PALB2: variants seen among roughly 807,000 people sequenced by gnomAD.
The protein encoded by PALB2 is partner and localizer of BRCA2, also known as mutant partner and localizer of BRCA2.
PALB2 carries 82 observed loss-of-function variants against 107.4 expected under a neutral mutation model. The observed-to-expected ratio is 0.76, with a 90% CI of 0.64 to 0.92. PALB2 has a LOEUF of 0.92. PALB2 is among the 40% of genes least tolerant of loss of function. The pLI, the probability that PALB2 is intolerant of heterozygous loss-of-function variation, is 0.00. For synonymous variants in PALB2, 489 were observed against 496.8 expected, an observed-to-expected ratio of 0.98 and a Z score of 0.21; for missense variants, 1,374 against 1,379.9, an observed-to-expected ratio of 1.00 and a Z score of 0.07.
intron 7 of PALB2, among the ~76,000 whole-genome samples, chr16:23,624,528 T>G (rs1185761462): frequency 6.6e-6 from 1 of 152,224 alleles, no homozygotes; most frequent in Non-Finnish European, 1.5e-5. Flanking sequence ...AATTTTTTTT[T>G]TTGAGTCGGA....
intron 9 of PALB2, 126 bp from the exon 10 acceptor site, chr16:23,621,604 GA>G (rs1966775414): frequency 4.4e-6 from 3 of 685,476 alleles, no homozygotes; most frequent in Non-Finnish European, 5.3e-6. Context: ...ATCTAACCCA[GA>G]AAACGTGTAT....
intron 1 of PALB2, among the ~76,000 whole-genome samples, chr16:23,639,539 G>A (rs2040144745): frequency 7.2e-6 from 1 of 139,416 alleles, no homozygotes; most frequent in Non-Finnish European, 1.5e-5. Context: ...AAAAAAAAAG[G>A]CCGGGTGCAG....
rs144496685 is a variant in PALB2 at position 23,636,140 on chromosome 16, T to C, written c.406A>G (p.Ser136Gly). Residue 136 changes from serine to glycine, a missense_variant, in exon 4 of 13, where the codon AGT becomes GGT. Transcript: ENST00000261584. ...EHFPHRVSDP[S>G]GEQKQKLPSR... ...GGCAGCTTCTGCTTTTGCTCACCAC[T>C]AGGGTCACTGACCCTGTGGGGAAAA... is the stretch of plus-strand genomic sequence containing the variant. 6.2e-7 allele frequency: 1 copy of C among 1,613,300 alleles called. No individual in the cohort carries two copies. Among genetic ancestry groups the C allele is most frequent in the Admixed American group, 1.7e-5 (1 of 59,848 alleles).
At chr16:23,619,018 T>C (rs1966728642) in intron 10 of PALB2, among the ~76,000 whole-genome samples, 2 of 152,026 alleles carry the variant, frequency 1.3e-5, no homozygotes, top group South Asian at 4.2e-4. Context: ...AGTTTATTCC[T>C]AGAAGGTTAG....
In PALB2 at chr16:23,614,072, G is replaced by A. The variant is rs1567209904; in HGVS notation, c.3133C>T (p.Leu1045Phe). Residue 1045 changes from leucine (L) to phenylalanine (F), a missense_variant, in exon 11 of 13, where the codon CTC becomes TTC. Coordinates refer to ENST00000261584, the MANE Select transcript of PALB2 (RefSeq NM_024675.4). ...IVIWNLKTGQ[L>F]LKKMHIDDSY... ...TCATCAATGTGCATCTTTTTCAGGA[G>A]TTGACCAGTTTTTAAATTCCTTAGA... is the stretch of plus-strand genomic sequence containing the variant. 2 of 1,612,032 alleles carry A rather than the reference G, an allele frequency of 1.2e-6. No individual in the cohort carries two copies. Among genetic ancestry groups the A allele is most frequent in the Non-Finnish European group, 1.7e-6 (2 of 1,178,436 alleles).
intron 7 of PALB2, among the ~76,000 whole-genome samples, chr16:23,625,385 C>A (rs1446924249): frequency 2.6e-5 from 4 of 151,950 alleles, no homozygotes; most frequent in African/African-American, 7.3e-5. Flanking sequence ...CTGTGATGGG[C>A]TGGGCATGGT....
At chr16:23,616,794 A>C (rs769589332) in intron 10 of PALB2, among the ~76,000 whole-genome samples, 8 of 152,156 alleles carry the variant, frequency 5.3e-5, no homozygotes, top group Non-Finnish European at 8.8e-5. Flanking sequence ...ATATGACTTC[A>C]TTGTAAACAT....
chr16:23,604,757 C>A (rs1966434857), intron 12 of PALB2, among the ~76,000 whole-genome samples: 1 of 148,752 alleles, frequency 6.7e-6, no homozygotes, highest in African/African-American at 2.5e-5. Context: ...TAAAGTGAGA[C>A]CCTGTCTCCA....
At chr16:23,621,064 G>T (rs1174522334) in intron 10 of PALB2, among the ~76,000 whole-genome samples, 1 of 152,182 alleles carries the variant, frequency 6.6e-6, no homozygotes, top group East Asian at 1.9e-4. Context: ...ACAAAAATTA[G>T]CTGGGTGTGG....
chr16:23,627,472 C>T (rs1316946077), intron 6 of PALB2, among the ~76,000 whole-genome samples: 3 of 135,740 alleles, frequency 2.2e-5, no homozygotes, highest in Non-Finnish European at 4.6e-5. Flanking sequence ...CCAGCCTGGG[C>T]GACAGAGCAA....
At position 23,630,221 on chromosome 16, in the gene PALB2, C is replaced by T. The variant is rs2142385652; in HGVS notation, c.1933G>A (p.Glu645Lys). Residue 645 changes from glutamate to lysine, a missense_variant, in exon 5 of 13, where the codon GAG becomes AAG. Glu to Lys is a moderately conservative substitution (Grantham distance 56). Coordinates refer to ENST00000261584, the MANE Select transcript of PALB2 (RefSeq NM_024675.4). Reference protein sequence around the residue: ...VEPFESKMFGERHLKEGSCIF... With the variant: ...VEPFESKMFGKRHLKEGSCIF... The stretch of plus-strand genomic sequence containing the variant: ...CAGCTTCCCTCTTTAAGATGTCTCT[C>T]TCCAAACATTTTTGACTCAAAGGGC... 6.2e-7 allele frequency: 1 copy of T among 1,614,126 alleles called. No homozygotes were observed. The highest frequency in any genetic ancestry group is 8.5e-7 in the Non-Finnish European group (1 of 1,180,026).
At chr16:23,620,937 G>A (rs147109383) in intron 10 of PALB2, among the ~76,000 whole-genome samples, 2 of 152,168 alleles carry the variant, frequency 1.3e-5, no homozygotes, top group African/African-American at 4.8e-5. Context: ...AGCCAGGCAC[G>A]GTGGCTCACT....
At chr16:23,630,684 T>C (rs1966869199) in intron 4 of PALB2, among the ~76,000 whole-genome samples, 1 of 152,182 alleles carries the variant, frequency 6.6e-6, no homozygotes, top group Non-Finnish European at 1.5e-5. Flanking sequence ...AAGAGTGAGC[T>C]TCTAAACTCA....
chr16:23,623,977 G>A (rs1222209016), intron 8 of PALB2, 32 bp downstream of exon 8: 3 of 1,472,514 alleles, frequency 2.0e-6, no homozygotes, highest in Non-Finnish European at 2.9e-6. Flanking sequence ...AAAGATGAAG[G>A]AAAAACAAAT....
At position 23,608,004 on chromosome 16, in the gene PALB2, G is replaced by C. The variant is rs876659540; in HGVS notation, c.3210C>G (p.Leu1070=). The stretch of plus-strand genomic sequence containing the variant: ...CACAGGGATGACTCAGGACAATAAA[G>C]AGAAGCCCCTAATTTCGGAGAAAAA... ...CHKAYSEMGL[L]FIVLSHPCAK... is the part of the protein sequence containing the mutation. Residue 1070 remains leucine, a synonymous_variant, in exon 12 of 13, where the codon CTC becomes CTG. Coordinates refer to ENST00000261584, the MANE Select transcript of PALB2 (RefSeq NM_024675.4). The C allele has an allele frequency of 6.2e-7, 1 of 1,613,854 alleles. No individual in the cohort carries two copies. The highest frequency in any genetic ancestry group is 8.5e-7 in the Non-Finnish European group (1 of 1,179,794).
rs876658157 is a variant in PALB2, at chr16:23,614,040, G to T, written c.3165C>A (p.Tyr1055Ter). 6.2e-7 allele frequency: 1 copy of T among 1,613,716 alleles called. No homozygotes were observed. The highest frequency in any genetic ancestry group is 8.5e-7 in the Non-Finnish European group (1 of 1,179,740). Residue 1055 changes from tyrosine to a stop codon, truncating the protein, a stop_gained, in exon 11 of 13, where the codon TAC (tyrosine) becomes TAA (stop). Transcript: ENST00000261584. LOFTEE classifies it high-confidence loss of function. ...AGGCTTTGTGACAGACTGAAGCTTG[G>T]TAAGAATCATCAATGTGCATCTTTT... is the stretch of plus-strand genomic sequence containing the variant. Reference protein sequence around the residue: ...LLKKMHIDDSYQASVCHKAYS... With the variant: ...LLKKMHIDDS
In PALB2 at chr16:23,606,458, A is replaced by C. The variant is rs148272336; in HGVS notation, c.3350+1406T>G. On this transcript the variant is annotated intron_variant, in intron 12 of 12. Coordinates refer to ENST00000261584, the MANE Select transcript of PALB2 (RefSeq NM_024675.4). ...ATAGAGAATGTCTTTTAGAACATGC[A>C]CTTATCAAATAAACTTTGCATAAGG... Among the ~76,000 whole-genome samples the C allele has an allele frequency of 7.0e-4, 107 of 152,310 alleles. 1 individual carries two copies. Among genetic ancestry groups the C allele is most frequent in the African/African-American group, 2.5e-3 (104 of 41,580 alleles).
At chr16:23,629,058 A>G (rs1429526066) in intron 6 of PALB2, 146 bp downstream of exon 6, 1 of 711,646 alleles carries the variant, frequency 1.4e-6, no homozygotes, top group East Asian at 2.7e-5. Context: ...GGGAAAAATA[A>G]CCAATCCAAA....
intron 10 of PALB2, 53 bp downstream of exon 10, chr16:23,621,309 G>A: frequency 8.9e-7 from 1 of 1,124,662 alleles, no homozygotes. Flanking sequence ...AAAATTAGAG[G>A]TATATCCTCA....
Sources: allele counts gnomAD v4.1 joint callset (sites outside exome capture counted in the v4.1 genomes callset), GRCh38; gene constraint gnomAD v4.1.1; transcripts MANE v1.5; gene names NCBI Gene and HGNC (gene_info 2026-07-23, HGNC 2026-07-21).